GPC6: variants seen among roughly 807,000 people sequenced by gnomAD.
GPC6 encodes glypican-6.
Under a neutral mutation model 55.2 loss-of-function variants are expected in GPC6, and 14 were observed. That is an observed-to-expected ratio of 0.25 (90% CI 0.17 to 0.40). The LOEUF (loss-of-function observed/expected upper bound fraction) is 0.40, where lower values mean the gene tolerates loss of function less well. GPC6 is among the 10% of genes least tolerant of loss of function. The pLI, the probability that GPC6 is intolerant of heterozygous loss-of-function variation, is 1.00. For synonymous variants in GPC6, 278 were observed against 259.6 expected (o/e 1.07, Z -0.68); for missense variants, 641 against 708.5 (o/e 0.90, Z 1.08).
chr13:94,367,359 A>G (rs2139188067), intron 6 of GPC6, among the ~76,000 whole-genome samples: 1 of 152,360 alleles, frequency 6.6e-6, no homozygotes, highest in African/African-American at 2.4e-5. Flanking sequence ...ATTGAATTCA[A>G]TAGATATTAG....
chr13:93,834,186 T>A (rs567581273), intron 3 of GPC6, among the ~76,000 whole-genome samples: 1 of 152,292 alleles, frequency 6.6e-6, no homozygotes, highest in East Asian at 1.9e-4. Flanking sequence ...TAGAAGAGTG[T>A]TTGTAGCAGG....
At chr13:93,369,418 G>A (rs1251926782) in intron 1 of GPC6, among the ~76,000 whole-genome samples, 4 of 152,068 alleles carry the variant, frequency 2.6e-5, no homozygotes, top group African/African-American at 4.8e-5. Context: ...CAATAAAACA[G>A]CAATCCTAAA....
Position 93,599,267 on chromosome 13 carries a change from A to G in GPC6, c.319+53846A>G, listed in dbSNP as rs1408537479. On this transcript the variant is annotated intron_variant, in intron 2 of 8. Transcript: ENST00000377047. ...CAAGCTTCATTTTGAGATATTACTT[A>G]GAAACTGCCAAATATTGGTAAAAAA... is the stretch of plus-strand genomic sequence containing the variant. Among the ~76,000 whole-genome samples the G allele has an allele frequency of 1.1e-4, 17 of 149,020 alleles. No homozygotes were observed. In the Admixed American group the frequency reaches 1.1e-3, roughly 10 times the overall value.
intron 1 of GPC6, among the ~76,000 whole-genome samples, chr13:93,440,545 G>C (rs1877749263): frequency 6.6e-6 from 1 of 152,148 alleles, no homozygotes; most frequent in South Asian, 2.1e-4. Flanking sequence ...TATTAGGAAG[G>C]GTGTCAAAAA....
At chr13:94,389,166 TAC>T (rs1227605984) in intron 7 of GPC6, among the ~76,000 whole-genome samples, 1 of 152,052 alleles carries the variant, frequency 6.6e-6, no homozygotes, top group Non-Finnish European at 1.5e-5. Context: ...GCTAGTAAGT[TAC>T]AGAGGAAAAT....
chr13:93,627,220 T>C (rs1203744674), intron 2 of GPC6, among the ~76,000 whole-genome samples: 1 of 152,098 alleles, frequency 6.6e-6, no homozygotes, highest in Non-Finnish European at 1.5e-5. Flanking sequence ...GTTCTCATTG[T>C]TCAGCTCCCA....
intron 1 of GPC6, among the ~76,000 whole-genome samples, chr13:93,383,481 T>C (rs571618385): frequency 6.6e-6 from 1 of 152,168 alleles, no homozygotes; most frequent in Non-Finnish European, 1.5e-5. Context: ...CCTCCTAAAA[T>C]GTTGGGATTA....
In GPC6 at chr13:93,241,717, G is replaced by A. The variant is rs868621025; in HGVS notation, c.160+14101G>A. On this transcript the variant is annotated intron_variant, in intron 1 of 8. Transcript: ENST00000377047. ...TAAAGAGTTAATGTGATCTTTTGAG[G>A]GCATTGCAAAACTCTGCTTTTCATA... 1.1e-4 allele frequency among the ~76,000 whole-genome samples: 16 copies of A among 152,088 alleles called. No individual in the cohort carries two copies. In the South Asian group the frequency reaches 3.3e-3, roughly 32 times the overall value.
chr13:93,953,777 C>T (rs1879371399), intron 3 of GPC6, among the ~76,000 whole-genome samples: 1 of 152,106 alleles, frequency 6.6e-6, no homozygotes, highest in Non-Finnish European at 1.5e-5. Context: ...GTTATCTTCC[C>T]CTTGCACTCC....
chr13:93,961,874 A>G (rs1277767984), intron 3 of GPC6, among the ~76,000 whole-genome samples: 1 of 152,092 alleles, frequency 6.6e-6, no homozygotes, highest in Non-Finnish European at 1.5e-5. Context: ...TTATTTGTTC[A>G]GTTAGCCATT....
intron 1 of GPC6, among the ~76,000 whole-genome samples, chr13:93,358,388 G>A (rs2139173805): frequency 6.6e-6 from 1 of 152,222 alleles, no homozygotes; most frequent in East Asian, 1.9e-4. Flanking sequence ...ACAGTGTGCT[G>A]GAGACTGTTG....
intron 6 of GPC6, among the ~76,000 whole-genome samples, chr13:94,336,878 A>G (rs564944718): frequency 1.3e-5 from 2 of 152,350 alleles, no homozygotes; most frequent in African/African-American, 4.8e-5. Flanking sequence ...AAAAAAATAA[A>G]TAAATCCAGA....
At chr13:93,411,643 A>T (rs964633742) in intron 1 of GPC6, among the ~76,000 whole-genome samples, 1 of 152,142 alleles carries the variant, frequency 6.6e-6, no homozygotes, top group Non-Finnish European at 1.5e-5. Flanking sequence ...AAAAGACAAC[A>T]GCTCTATCTT....
intron 2 of GPC6, among the ~76,000 whole-genome samples, chr13:93,776,965 G>A (rs1232327602): frequency 3.3e-5 from 5 of 152,100 alleles, no homozygotes; most frequent in African/African-American, 1.2e-4. Flanking sequence ...CTTGCCCATC[G>A]ACCAACCCCT....
intron 2 of GPC6, among the ~76,000 whole-genome samples, chr13:93,558,601 G>A (rs963946779): frequency 6.6e-6 from 1 of 152,170 alleles, no homozygotes; most frequent in Non-Finnish European, 1.5e-5. Context: ...GAACCAAAGT[G>A]AAGTGTATCC....
At chr13:93,355,999 C>T (rs78782500) in intron 1 of GPC6, among the ~76,000 whole-genome samples, 2,548 of 151,916 alleles carry the variant, frequency 0.017, 76 homozygotes, top group African/African-American at 0.058. Context: ...TGTCTTAGCT[C>T]GAAATAGAGA....
intron 3 of GPC6, among the ~76,000 whole-genome samples, chr13:93,989,762 G>A (rs1341205554): frequency 1.3e-5 from 2 of 152,072 alleles, no homozygotes; most frequent in Non-Finnish European, 2.9e-5. Context: ...CTTGGTTAAA[G>A]TAGAATCCAA....
At chr13:94,128,042 T>C (rs1886882402) in intron 4 of GPC6, among the ~76,000 whole-genome samples, 1 of 152,224 alleles carries the variant, frequency 6.6e-6, no homozygotes, top group African/African-American at 2.4e-5. Flanking sequence ...AATAGTAATC[T>C]ATTTTATATC....
At chr13:94,248,071 G>A (rs373397682) in intron 4 of GPC6, among the ~76,000 whole-genome samples, 34 of 152,090 alleles carry the variant, frequency 2.2e-4, no homozygotes, top group African/African-American at 8.2e-4. Flanking sequence ...CTCAAAAAAT[G>A]TGCTAGGAAA....
Sources: allele counts gnomAD v4.1 joint callset (sites outside exome capture counted in the v4.1 genomes callset), GRCh38; gene constraint gnomAD v4.1.1; transcripts MANE v1.5; gene names NCBI Gene and HGNC (gene_info 2026-07-23, HGNC 2026-07-21).